ZFYVE16: variants seen among roughly 807,000 people sequenced by gnomAD.
The protein encoded by ZFYVE16 is zinc finger FYVE domain-containing protein 16.
ZFYVE16 carries 89 observed loss-of-function variants against 138.1 expected under a neutral mutation model. That is an observed-to-expected ratio of 0.64 (90% confidence interval 0.54 to 0.77). ZFYVE16 has a LOEUF of 0.77. Among genes scored for constraint, ZFYVE16 ranks in the 30% least tolerant of loss-of-function variants. ZFYVE16 has a pLI of 0.00. For synonymous variants in ZFYVE16, 596 were observed against 618.3 expected (o/e 0.96, Z 0.53); for missense variants, 1,793 against 1,786.7 (o/e 1.00, Z -0.06).
Position 80,477,657 on chromosome 5 carries a change from TA to T in ZFYVE16, c.*283del, listed in dbSNP as rs974680943. On this transcript the variant is annotated 3_prime_UTR_variant, in exon 19 of 19. Coordinates refer to ENST00000505560, the MANE Select transcript of ZFYVE16 (RefSeq NM_001284236.3). ...AATTTATAGCATTTACTGTGTTATT[TA>T]AATGCTAAGCCAAAGTATCTGCACT... 15 of 237,476 alleles carry T rather than the reference TA, an allele frequency of 6.3e-5. No homozygotes were observed. The highest frequency in any genetic ancestry group is 2.7e-4 in the African/African-American group (12 of 43,934). The allele number at this position is 237,476 out of a possible 1,614,324, so 14.7% of individuals were successfully genotyped here.
At chr5:80,416,359 G>A (rs1435412760) in intron 1 of ZFYVE16, among the ~76,000 whole-genome samples, 6 of 145,346 alleles carry the variant, frequency 4.1e-5, no homozygotes, top group African/African-American at 7.6e-5. Flanking sequence ...GGGTTCAAGC[G>A]ATTCTCCTGC....
chr5:80,428,549 T>C (rs1748489497), intron 2 of ZFYVE16, among the ~76,000 whole-genome samples: 6 of 152,168 alleles, frequency 3.9e-5, no homozygotes, highest in Admixed American at 3.9e-4. Context: ...ATCAGAGTGC[T>C]TCTCCTCCCC....
rs1752777866 is a variant in ZFYVE16, at chr5:80,458,609, C to T, written c.3944-805C>T. On this transcript the variant is annotated intron_variant, in intron 14 of 18. Coordinates refer to ENST00000505560, the MANE Select transcript of ZFYVE16 (RefSeq NM_001284236.3). ...TATGTTGTACATCATTTAACTGTCC[C>T]TTATTGATGGGCATAATTTGTTACC... 2.6e-5 allele frequency among the ~76,000 whole-genome samples: 4 copies of T among 152,112 alleles called. No individual in the cohort carries two copies. The South Asian group carries it at 8.3e-4, about 32-fold the overall frequency.
intron 1 of ZFYVE16, among the ~76,000 whole-genome samples, chr5:80,423,612 T>C (rs1747553164): frequency 6.6e-6 from 1 of 152,234 alleles, no homozygotes; most frequent in East Asian, 1.9e-4. Flanking sequence ...CTCAGCTCAC[T>C]GCAAGCTCCA....
chr5:80,438,276 G>A lies in ZFYVE16; in HGVS notation c.1591G>A (p.Ala531Thr). 1 of 1,614,062 alleles carries A rather than the reference G, an allele frequency of 6.2e-7. No individual in the cohort carries two copies. Among genetic ancestry groups the A allele is most frequent in the Middle Eastern group, 1.6e-4 (1 of 6,062 alleles). ...GAKSGPLISD[A>T]ELDAFLTEQY... ...AAAAAGTGGCCCACTAATTAGTGAT[G>A]CTGAACTTGATGCCTTTCTGACAGA... The change falls in exon 4 of 19, where the codon GCT (alanine) becomes ACT (threonine). Residue 531 changes from alanine to threonine, a missense_variant. Ala to Thr is a moderately conservative substitution (Grantham distance 58, BLOSUM62 0). Transcript: ENST00000505560.
At chr5:80,441,831 C>A (rs1014607310) in intron 5 of ZFYVE16, 2 of 985,252 alleles carry the variant, frequency 2.0e-6, no homozygotes. Flanking sequence ...TTAGCAGTGG[C>A]AGCATTGATA....
chr5:80,443,091 A>G (rs753172381), intron 5 of ZFYVE16, 32 bp from the exon 6 acceptor site: 22 of 1,491,040 alleles, frequency 1.5e-5, no homozygotes, highest in Non-Finnish European at 1.9e-5. Context: ...AAAACATCTG[A>G]GATTTTAACA....
At chr5:80,435,134 A>G (rs79773498) in intron 3 of ZFYVE16, among the ~76,000 whole-genome samples, 1 of 152,172 alleles carries the variant, frequency 6.6e-6, no homozygotes, top group Non-Finnish European at 1.5e-5. Flanking sequence ...TCCCAGGTTC[A>G]AGCGATTCTC....
At chr5:80,460,228 T>G (rs1402480040) in intron 15 of ZFYVE16, among the ~76,000 whole-genome samples, 5 of 152,164 alleles carry the variant, frequency 3.3e-5, no homozygotes, top group African/African-American at 1.2e-4. Flanking sequence ...TATCCCTAAT[T>G]AATAAGCAGA....
intron 15 of ZFYVE16, among the ~76,000 whole-genome samples, chr5:80,470,229 G>A (rs1754233458): frequency 6.6e-6 from 1 of 150,684 alleles, no homozygotes; most frequent in South Asian, 2.1e-4. Context: ...AGCCTCCCGA[G>A]TAGCTGGGAC....
chr5:80,425,074 T>C (rs551043772), intron 1 of ZFYVE16, among the ~76,000 whole-genome samples: 4 of 152,352 alleles, frequency 2.6e-5, no homozygotes, highest in Admixed American at 2.0e-4. Context: ...GTTACCTGTA[T>C]CTGTTGAGTT....
chr5:80,471,221 T>C (rs1754340743), intron 15 of ZFYVE16, among the ~76,000 whole-genome samples: 1 of 152,166 alleles, frequency 6.6e-6, no homozygotes, highest in African/African-American at 2.4e-5. Flanking sequence ...TAAGGCATAC[T>C]CCCTTCTGAG....
chr5:80,413,929 C>T (rs368845166), intron 1 of ZFYVE16, among the ~76,000 whole-genome samples: 20 of 152,258 alleles, frequency 1.3e-4, no homozygotes, highest in African/African-American at 4.6e-4. Flanking sequence ...CCAACTCCTA[C>T]CTTTAAACAC....
At chr5:80,436,262 A>G (rs1749891738) in intron 3 of ZFYVE16, among the ~76,000 whole-genome samples, 1 of 152,230 alleles carries the variant, frequency 6.6e-6, no homozygotes, top group Non-Finnish European at 1.5e-5. Flanking sequence ...CCTCAATTAG[A>G]GCACCACAGG....
At chr5:80,415,593 G>A (rs1367935770) in intron 1 of ZFYVE16, among the ~76,000 whole-genome samples, 4 of 152,108 alleles carry the variant, frequency 2.6e-5, no homozygotes, top group Non-Finnish European at 5.9e-5. Context: ...TTATATTGGG[G>A]TAATGTGTTT....
Position 80,438,663 on chromosome 5 carries a change from A to G in ZFYVE16, c.1978A>G (p.Arg660Gly). The G allele has an allele frequency of 6.2e-7, 1 of 1,614,114 alleles. No individual in the cohort carries two copies. The change falls in exon 4 of 19, where the codon AGG becomes GGG. Residue 660 changes from arginine to glycine, a missense_variant. By Grantham distance (125) the Arg-to-Gly change is moderately radical. Transcript: ENST00000505560. ...KQLFSLPSRT[R>G]SSKDLNKPDV... ...ATTGTTTAGCCTTCCATCAAGAACA[A>G]GGAGTTCAAAGGACCTGAATAAGCC...
Position 80,482,141 on chromosome 5 carries a change from C to A in ZFYVE16, c.*4764C>A, listed in dbSNP as rs1755294087. Among the ~76,000 whole-genome samples, 1 of 152,168 alleles carries A rather than the reference C, an allele frequency of 6.6e-6. No individual in the cohort carries two copies. Among genetic ancestry groups the A allele is most frequent in the Non-Finnish European group, 1.5e-5 (1 of 68,032 alleles). On this transcript the variant is annotated 3_prime_UTR_variant, in exon 19 of 19. Transcript: ENST00000505560. Reference sequence around the variant, plus strand: ...TGGCCGTTAAACTAGTTATTTTAATCATGCTACACAAAGAAGACATTTCTC... The same window carrying A: ...TGGCCGTTAAACTAGTTATTTTAATAATGCTACACAAAGAAGACATTTCTC...
At position 80,479,962 on chromosome 5, in the gene ZFYVE16, T is replaced by C. The variant is rs978678955; in HGVS notation, c.*2585T>C. 1.3e-5 allele frequency among the ~76,000 whole-genome samples: 2 copies of C among 152,218 alleles called. No individual in the cohort carries two copies. The highest frequency in any genetic ancestry group is 1.3e-4 in the Admixed American group (2 of 15,278). On this transcript the variant is annotated 3_prime_UTR_variant, in exon 19 of 19. Transcript: ENST00000505560. ...CAGTGATCTAAAGAATCTTAAGCAC[T>C]GAGCTTCCTTTAAGGTGTTCCCACA...
At chr5:80,460,683 T>C (rs1390804259) in intron 15 of ZFYVE16, among the ~76,000 whole-genome samples, 1 of 152,220 alleles carries the variant, frequency 6.6e-6, no homozygotes, top group Admixed American at 6.5e-5. Flanking sequence ...TTGTTAATGC[T>C]ATCTCTGTCA....
Sources: allele counts gnomAD v4.1 joint callset (sites outside exome capture counted in the v4.1 genomes callset), GRCh38; gene constraint gnomAD v4.1.1; transcripts MANE v1.5; gene names NCBI Gene and HGNC (gene_info 2026-07-23, HGNC 2026-07-21).